The following CCSER1 variants were observed in gnomAD, a reference collection of about 807,000 sequenced individuals.
CCSER1 encodes serine-rich coiled-coil domain-containing protein 1.
Under a neutral mutation model 82.0 loss-of-function variants are expected in CCSER1, and 41 were observed. The ratio of observed to expected loss-of-function variants is 0.50; its 90% confidence interval spans 0.39 to 0.65. CCSER1 has a LOEUF of 0.65. CCSER1 is among the 30% of genes least tolerant of loss of function. The pLI is 0.00. For missense variants in CCSER1, 1,119 were observed against 1,064.2 expected (o/e 1.05, Z -0.72); for synonymous variants, 414 against 383.9 (o/e 1.08, Z -0.92).
chr4:90,893,398 C>T (rs1373987949), intron 8 of CCSER1, among the ~76,000 whole-genome samples: 1 of 152,036 alleles, frequency 6.6e-6, no homozygotes, highest in Non-Finnish European at 1.5e-5. Context: ...TCAGCCCCCA[C>T]ATACTTTCAC....
intron 9 of CCSER1, among the ~76,000 whole-genome samples, chr4:90,988,522 C>T (rs1311011939): frequency 1.3e-5 from 2 of 151,294 alleles, no homozygotes; most frequent in African/African-American, 4.9e-5. Context: ...TTAAATCAAG[C>T]CAATTATTGC....
At chr4:90,832,085 C>CTT (rs143981503) in intron 8 of CCSER1, among the ~76,000 whole-genome samples, 1 of 151,056 alleles carries the variant, frequency 6.6e-6, no homozygotes. Context: ...CTATGTGACT[C>CTT]TTTTTTTTTC....
intron 8 of CCSER1, among the ~76,000 whole-genome samples, chr4:90,899,898 T>A (rs1724340657): frequency 6.6e-6 from 1 of 151,882 alleles, no homozygotes; most frequent in Non-Finnish European, 1.5e-5. Context: ...GGATGTTGAC[T>A]TATAGTTTTC....
At chr4:90,861,924 A>ATTTTTT (rs200410629) in intron 8 of CCSER1, among the ~76,000 whole-genome samples, 2 of 108,934 alleles carry the variant, frequency 1.8e-5, no homozygotes, top group African/African-American at 3.0e-5. Flanking sequence ...ATATATATAT[A>ATTTTTT]TATTTTTTTT....
intron 10 of CCSER1, among the ~76,000 whole-genome samples, chr4:91,588,654 A>ATGTT (rs1242012613): frequency 6.6e-6 from 1 of 151,734 alleles, no homozygotes; most frequent in East Asian, 1.9e-4. Context: ...TATTCTTTTG[A>ATGTT]TGTTTTAAAT....
chr4:90,307,111 T>C (rs1734421453), intron 1 of CCSER1, among the ~76,000 whole-genome samples: 1 of 152,152 alleles, frequency 6.6e-6, no homozygotes, highest in Non-Finnish European at 1.5e-5. Context: ...TTGTAAAATG[T>C]TCATAGTCTT....
At chr4:90,889,608 A>C (rs1722669221) in intron 8 of CCSER1, among the ~76,000 whole-genome samples, 1 of 152,158 alleles carries the variant, frequency 6.6e-6, no homozygotes, top group Non-Finnish European at 1.5e-5. Flanking sequence ...ACAGTAACCA[A>C]GATGCAGAAA....
At chr4:90,561,448 T>G (rs959162798) in intron 5 of CCSER1, among the ~76,000 whole-genome samples, 1 of 152,230 alleles carries the variant, frequency 6.6e-6, no homozygotes, top group Non-Finnish European at 1.5e-5. Context: ...AAATCTCATA[T>G]AGTCAAATAG....
At chr4:90,137,143 A>G (rs765115449) in intron 1 of CCSER1, among the ~76,000 whole-genome samples, 2 of 152,228 alleles carry the variant, frequency 1.3e-5, no homozygotes, top group African/African-American at 2.4e-5. Context: ...AATGAGCTCC[A>G]CAGAAGTCAG....
At chr4:91,468,430 C>T (rs976203797) in intron 10 of CCSER1, among the ~76,000 whole-genome samples, 2 of 151,512 alleles carry the variant, frequency 1.3e-5, no homozygotes, top group East Asian at 1.9e-4. Flanking sequence ...TGCAGCACAC[C>T]AACATGGCAC....
chr4:90,646,023 T>C (rs1727515530), intron 6 of CCSER1, among the ~76,000 whole-genome samples: 1 of 152,194 alleles, frequency 6.6e-6, no homozygotes, highest in African/African-American at 2.4e-5. Context: ...AAGTTATATT[T>C]CTTTTTTCTA....
intron 10 of CCSER1, among the ~76,000 whole-genome samples, chr4:91,533,443 C>A (rs535008538): frequency 2.0e-5 from 3 of 152,198 alleles, no homozygotes; most frequent in East Asian, 3.9e-4. Context: ...CTTCTTTATC[C>A]TTCCCAAAGG....
chr4:91,586,992 G>A (rs1764028693), intron 10 of CCSER1, among the ~76,000 whole-genome samples: 1 of 151,700 alleles, frequency 6.6e-6, no homozygotes, highest in African/African-American at 2.4e-5. Context: ...AAGAACCACA[G>A]AGAATGAAAA....
At chr4:90,599,432 C>A (rs781395276) in intron 5 of CCSER1, among the ~76,000 whole-genome samples, 11 of 152,078 alleles carry the variant, frequency 7.2e-5, no homozygotes, top group Non-Finnish European at 1.3e-4. Context: ...TGTAAGTTTC[C>A]TGAGGCCTCT....
chr4:90,476,468 G>C (rs1765126227), intron 5 of CCSER1, among the ~76,000 whole-genome samples: 2 of 152,116 alleles, frequency 1.3e-5, no homozygotes, highest in Non-Finnish European at 2.9e-5. Context: ...TTGGTGGAAA[G>C]GCAGCCGGCT....
chr4:91,027,612 AGGTGAGATAAGCTTC>A (rs929853316), intron 9 of CCSER1, among the ~76,000 whole-genome samples: 5 of 151,964 alleles, frequency 3.3e-5, no homozygotes, highest in African/African-American at 1.2e-4. Context: ...TTTACCCTGA[AGGTGAGATAAGCTTC>A]GGTAGCAATG....
rs376760886 is a variant in CCSER1, at chr4:90,280,502, G to C, written c.-41-27742G>C. 2.6e-5 allele frequency among the ~76,000 whole-genome samples: 4 copies of C among 151,908 alleles called. No individual in the cohort carries two copies. The East Asian group carries it at 5.8e-4, about 22-fold the overall frequency. On this transcript the variant is annotated intron_variant, in intron 1 of 10. Transcript: ENST00000509176. The stretch of plus-strand genomic sequence containing the variant: ...AAGGAGGAAAGGGAATTGCAGGACT[G>C]TGCTGTTTCATCTTACATGACAAAT...
intron 10 of CCSER1, among the ~76,000 whole-genome samples, chr4:91,129,404 A>T (rs1727807604): frequency 6.6e-6 from 1 of 152,078 alleles, no homozygotes; most frequent in Admixed American, 6.6e-5. Context: ...AAGTTGGGGA[A>T]AGAGCTAGAT....
intron 7 of CCSER1, among the ~76,000 whole-genome samples, chr4:90,810,987 C>T (rs377266716): frequency 2.6e-5 from 4 of 151,896 alleles, no homozygotes; most frequent in South Asian, 2.1e-4. Flanking sequence ...TGCCCACCAC[C>T]GCGCCCAACT....
Sources: allele counts gnomAD v4.1 joint callset (sites outside exome capture counted in the v4.1 genomes callset), GRCh38; gene constraint gnomAD v4.1.1; transcripts MANE v1.5; gene names NCBI Gene and HGNC (gene_info 2026-07-23, HGNC 2026-07-21).